STK10: variants seen among roughly 807,000 people sequenced by gnomAD.
STK10 encodes the protein serine/threonine kinase 10.
STK10 carries 78 observed loss-of-function variants against 113.8 expected under a neutral mutation model. The observed-to-expected ratio is 0.69, with a 90% CI of 0.57 to 0.83. STK10 has a LOEUF of 0.83. STK10 is among the 40% of genes least tolerant of loss of function. The pLI, the probability that STK10 is intolerant of heterozygous loss-of-function variation, is 0.00. For synonymous variants in STK10, 465 were observed against 494.7 expected, an observed-to-expected ratio of 0.94 and a Z score of 0.80; for missense variants, 1,109 against 1,280.1, an observed-to-expected ratio of 0.87 and a Z score of 2.04.
intron 14 of STK10, among the ~76,000 whole-genome samples, chr5:172,058,090 TGCACA>T (rs1367113438): frequency 6.6e-6 from 1 of 152,238 alleles, no homozygotes; most frequent in African/African-American, 2.4e-5. Context: ...TCCACCCCTG[TGCACA>T]GCACCCGGGT....
At position 172,105,677 on chromosome 5, in the gene STK10, G is replaced by A. The variant is rs1180575481; in HGVS notation, c.849C>T (p.Pro283=). Residue 283 remains proline, a synonymous_variant, in exon 7 of 19, where the codon CCC becomes CCT. Coordinates refer to ENST00000176763, the MANE Select transcript of STK10 (RefSeq NM_005990.4). ...IALDKNPETR[P]SAAQLLEHPF... is the part of the protein sequence containing the mutation. ...TCACCTCCAGCAGCTGCGCGGCACT[G>A]GGTCGGGTTTCTGGGTTCTTATCCA... is the stretch of plus-strand genomic sequence containing the variant. 6.2e-7 allele frequency: 1 copy of A among 1,613,762 alleles called. No homozygotes were observed. The highest frequency in any genetic ancestry group is 1.3e-5 in the African/African-American group (1 of 74,918).
At chr5:172,138,408 C>T (rs909032466) in intron 2 of STK10, among the ~76,000 whole-genome samples, 4 of 152,134 alleles carry the variant, frequency 2.6e-5, no homozygotes, top group African/African-American at 9.7e-5. Flanking sequence ...AGGCATGAGC[C>T]ACTGCGCCCA....
intron 1 of STK10, among the ~76,000 whole-genome samples, chr5:172,171,438 G>A (rs1485654715): frequency 6.6e-6 from 1 of 152,192 alleles, no homozygotes; most frequent in Non-Finnish European, 1.5e-5. Flanking sequence ...CCTTGGCTGC[G>A]CATGGTGGCT....
At chr5:172,173,035 G>T (rs1770690887) in intron 1 of STK10, among the ~76,000 whole-genome samples, 1 of 152,108 alleles carries the variant, frequency 6.6e-6, no homozygotes, top group African/African-American at 2.4e-5. Flanking sequence ...GTGGGCTGGG[G>T]TCTTCAGGGG....
At chr5:172,149,602 C>A (rs914763447) in intron 2 of STK10, among the ~76,000 whole-genome samples, 1 of 151,854 alleles carries the variant, frequency 6.6e-6, no homozygotes, top group African/African-American at 2.4e-5. Flanking sequence ...TGCCAGGGAG[C>A]CCGAGGAAGA....
chr5:172,118,897 A>AAAAAAAAT, intron 3 of STK10, among the ~76,000 whole-genome samples: 1 of 149,534 alleles, frequency 6.7e-6, no homozygotes, highest in South Asian at 2.1e-4. Flanking sequence ...AAAAAAAAAA[A>AAAAAAAAT]GTGTCCACTG....
rs1769672505 is a variant in STK10 at position 172,128,318 on chromosome 5, G to A, written c.322-897C>T. 2.0e-5 allele frequency among the ~76,000 whole-genome samples: 3 copies of A among 148,140 alleles called. No homozygotes were observed. In the South Asian group the frequency reaches 6.3e-4, roughly 31 times the overall value. ...CCCACTCCGGGCTCTTTGCATAGATGCTTTTTCTTTTCTTTCTTCTTTCCT... is the reference window on the plus strand; with the variant it reads ...CCCACTCCGGGCTCTTTGCATAGATACTTTTTCTTTTCTTTCTTCTTTCCT... On this transcript the variant is annotated intron_variant, in intron 2 of 18. Coordinates refer to ENST00000176763, the MANE Select transcript of STK10 (RefSeq NM_005990.4).
chr5:172,165,942 C>G (rs140810406), intron 1 of STK10, among the ~76,000 whole-genome samples: 4 of 152,068 alleles, frequency 2.6e-5, no homozygotes, highest in Non-Finnish European at 5.9e-5. Flanking sequence ...TACAGGCATG[C>G]GCCACCACGC....
intron 3 of STK10, among the ~76,000 whole-genome samples, chr5:172,118,789 GA>G (rs2113779398): frequency 6.7e-6 from 1 of 149,612 alleles, no homozygotes; most frequent in African/African-American, 2.5e-5. Context: ...TGAGGCAGGA[GA>G]ATCGCTTGAC....
At chr5:172,099,139 CCCATCA>C (rs1158341106) in intron 7 of STK10, among the ~76,000 whole-genome samples, 1 of 151,540 alleles carries the variant, frequency 6.6e-6, no homozygotes, top group Admixed American at 6.6e-5. Context: ...CACCATCATC[CCCATCA>C]CCATCACCAT....
intron 10 of STK10, among the ~76,000 whole-genome samples, chr5:172,087,437 G>A (rs967610577): frequency 6.6e-6 from 1 of 151,014 alleles, no homozygotes; most frequent in African/African-American, 2.4e-5. Flanking sequence ...ACCACAGCTG[G>A]CTAATTTTTG....
chr5:172,159,931 T>C (rs759366838), intron 1 of STK10, among the ~76,000 whole-genome samples: 6 of 142,110 alleles, frequency 4.2e-5, no homozygotes, highest in Non-Finnish European at 9.1e-5. Context: ...AGGTCAGGAG[T>C]TTGAGACCAT....
chr5:172,082,832 AG>A lies in STK10; in HGVS notation c.1809+128del. The A allele has an allele frequency of 7.1e-7, 1 of 1,416,882 alleles. No individual in the cohort carries two copies. The highest frequency in any genetic ancestry group is 9.5e-7 in the Non-Finnish European group (1 of 1,051,666). The allele number at this position is 1,416,882 out of a possible 1,614,324, so 87.8% of individuals were successfully genotyped here. A position where few individuals can be genotyped will look rare whatever the true frequency, so the allele number is the denominator to read the frequency against. On this transcript the variant is annotated intron_variant, in intron 11 of 18. Coordinates refer to ENST00000176763, the MANE Select transcript of STK10 (RefSeq NM_005990.4). This position sits in a 1 kb window ranked among gnomAD's most constrained non-coding sequence, Gnocchi z 4.3. ...AAGTCACTGCCTAACAAGATCGGGA[AG>A]CCCCCAGGAATTGGGCAATTGTTGT...
At position 172,064,080 on chromosome 5, in the gene STK10, C is replaced by T. The variant is rs750661735; in HGVS notation, c.2082+640G>A. Among the ~76,000 whole-genome samples, 9 of 152,036 alleles carry T rather than the reference C, an allele frequency of 5.9e-5. 1 individual carries two copies. The highest frequency in any genetic ancestry group is 8.8e-5 in the Non-Finnish European group (6 of 68,008). Reference sequence around the variant, plus strand: ...GGGTGCTATTATCAGACTTGGAATTCACATTGATCACACGCAGGCAGGAGA... The same window carrying T: ...GGGTGCTATTATCAGACTTGGAATTTACATTGATCACACGCAGGCAGGAGA... On this transcript the variant is annotated intron_variant, in intron 13 of 18. Coordinates refer to ENST00000176763, the MANE Select transcript of STK10 (RefSeq NM_005990.4).
intron 1 of STK10, among the ~76,000 whole-genome samples, chr5:172,171,661 GCCAAGATCGCGTTACTGCACT>G (rs1391275410): frequency 9.7e-5 from 14 of 144,232 alleles, no homozygotes; most frequent in African/African-American, 2.8e-4. Context: ...GTTGCAGTAA[GCCAAGATCGCGTTACTGCACT>G]CCAACCTGAG....
chr5:172,088,549 A>T (rs1270393045), intron 10 of STK10, among the ~76,000 whole-genome samples: 2 of 152,192 alleles, frequency 1.3e-5, no homozygotes, highest in Non-Finnish European at 2.9e-5. Flanking sequence ...ACATAAAATT[A>T]AAAAAATTTT....
intron 18 of STK10, among the ~76,000 whole-genome samples, chr5:172,047,334 A>G (rs2113679127): frequency 6.6e-6 from 1 of 152,356 alleles, no homozygotes; most frequent in Non-Finnish European, 1.5e-5. Context: ...GATCTGAGAC[A>G]TAAGGCAATA....
At chr5:172,170,240 G>A (rs549330477) in intron 1 of STK10, among the ~76,000 whole-genome samples, 2 of 151,802 alleles carry the variant, frequency 1.3e-5, no homozygotes, top group Non-Finnish European at 2.9e-5. Flanking sequence ...AGAGAGGAAA[G>A]GAAAGTGATA....
intron 2 of STK10, among the ~76,000 whole-genome samples, chr5:172,144,595 A>G (rs754472677): frequency 6.7e-6 from 1 of 149,092 alleles, no homozygotes; most frequent in Non-Finnish European, 1.5e-5. Context: ...GGCAGCCTAC[A>G]CCCCCAGGCC....
Sources: gnomAD v4.1 joint callset for allele counts (sites outside exome capture counted in the v4.1 genomes callset) on GRCh38, gnomAD v4.1.1 for gene constraint, Gnocchi (gnomAD v3.1) non-coding constraint, MANE v1.5 for transcripts, NCBI Gene and HGNC (gene_info 2026-07-23, HGNC 2026-07-21) for gene names.